CAMKMT: variants seen among roughly 807,000 people sequenced by gnomAD.
CAMKMT encodes calmodulin-lysine N-methyltransferase.
CAMKMT carries 53 observed loss-of-function variants against 48.0 expected under a neutral mutation model. The ratio of observed to expected loss-of-function variants is 1.10; its 90% CI spans 0.89 to 1.39. The LOEUF is 1.39. CAMKMT is among the 40% of genes most tolerant of loss of function. The probability of loss-of-function intolerance (pLI) is 0.00; values close to 1 mark genes in which losing one functional copy is unlikely to be tolerated. For missense variants in CAMKMT, 428 were observed against 402.7 expected, an observed-to-expected ratio of 1.06 and a Z score of -0.54; for synonymous variants, 165 against 152.3, an observed-to-expected ratio of 1.08 and a Z score of -0.61.
chr2:44,527,129 G>A (rs1456224189), intron 3 of CAMKMT, among the ~76,000 whole-genome samples: 1 of 132,108 alleles, frequency 7.6e-6, no homozygotes, highest in Non-Finnish European at 1.6e-5. Context: ...GTCTTGCTCT[G>A]TCACCCAAGC....
At chr2:44,651,498 A>G (rs1394175605) in intron 3 of CAMKMT, among the ~76,000 whole-genome samples, 2 of 152,236 alleles carry the variant, frequency 1.3e-5, no homozygotes, top group Non-Finnish European at 2.9e-5. Flanking sequence ...AGCCTGGCCA[A>G]CGTGGTGAAA....
intron 3 of CAMKMT, among the ~76,000 whole-genome samples, chr2:44,700,434 T>C (rs1156633455): frequency 3.9e-5 from 6 of 152,202 alleles, no homozygotes; most frequent in Non-Finnish European, 7.3e-5. Flanking sequence ...ACATGCCTTC[T>C]CCATAAGTGG....
At chr2:44,515,493 C>T (rs1040838857) in intron 3 of CAMKMT, among the ~76,000 whole-genome samples, 5 of 152,128 alleles carry the variant, frequency 3.3e-5, no homozygotes, top group Non-Finnish European at 5.9e-5. Flanking sequence ...GCAATTCATT[C>T]ACCTGTCAGT....
intron 3 of CAMKMT, among the ~76,000 whole-genome samples, chr2:44,587,179 CCT>C (rs1169577223): frequency 2.6e-5 from 4 of 151,978 alleles, no homozygotes; most frequent in Non-Finnish European, 5.9e-5. Flanking sequence ...GAATACAAGT[CCT>C]TTAGCAGATT....
intron 3 of CAMKMT, among the ~76,000 whole-genome samples, chr2:44,540,871 C>A (rs373732871): frequency 6.6e-6 from 1 of 152,288 alleles, no homozygotes; most frequent in East Asian, 1.9e-4. Flanking sequence ...GATCTGTGAT[C>A]CATTTGAAGT....
intron 3 of CAMKMT, among the ~76,000 whole-genome samples, chr2:44,539,357 A>G (rs899636741): frequency 1.3e-5 from 2 of 151,240 alleles, no homozygotes; most frequent in African/African-American, 2.4e-5. Flanking sequence ...TAATCTGTCT[A>G]TATTGTTTTT....
At chr2:44,382,159 C>T (rs1026883223) in intron 2 of CAMKMT, among the ~76,000 whole-genome samples, 1 of 152,068 alleles carries the variant, frequency 6.6e-6, no homozygotes, top group African/African-American at 2.4e-5. Flanking sequence ...CCAGGCTGAT[C>T]TTGAACTCCT....
intron 1 of CAMKMT, among the ~76,000 whole-genome samples, chr2:44,369,236 T>C (rs779882565): frequency 6.6e-6 from 1 of 152,088 alleles, no homozygotes; most frequent in Non-Finnish European, 1.5e-5. Context: ...AAGAAAACCT[T>C]CAAAGAGAGA....
At chr2:44,670,248 A>G (rs1675249592) in intron 3 of CAMKMT, among the ~76,000 whole-genome samples, 1 of 152,198 alleles carries the variant, frequency 6.6e-6, no homozygotes, top group African/African-American at 2.4e-5. Flanking sequence ...ATTTTCACTT[A>G]CACAAACTAT....
At chr2:44,588,612 C>A (rs1328991752) in intron 3 of CAMKMT, among the ~76,000 whole-genome samples, 1 of 43,260 alleles carries the variant, frequency 2.3e-5, no homozygotes, top group Non-Finnish European at 4.8e-5. Context: ...GGGGGTCAGC[C>A]CCCCGCCCGG....
chr2:44,577,835 A>C (rs1178056961), intron 3 of CAMKMT, among the ~76,000 whole-genome samples: 12 of 152,132 alleles, frequency 7.9e-5, no homozygotes. Context: ...ATATTTTCCA[A>C]AGTAACCCTT....
At chr2:44,756,022 A>G (rs1261765312) in intron 9 of CAMKMT, among the ~76,000 whole-genome samples, 2 of 152,244 alleles carry the variant, frequency 1.3e-5, no homozygotes, top group African/African-American at 2.4e-5. Flanking sequence ...TAAGGAGCCC[A>G]CCATCAGAGG....
Position 44,391,496 on chromosome 2 carries a change from C to T in CAMKMT, c.376+1191C>T, listed in dbSNP as rs114411984. 1.3e-3 allele frequency among the ~76,000 whole-genome samples: 191 copies of T among 152,146 alleles called. 1 individual carries two copies. Among genetic ancestry groups the T allele is most frequent in the African/African-American group, 4.4e-3 (183 of 41,508 alleles). On this transcript the variant is annotated intron_variant, in intron 3 of 10. Transcript: ENST00000378494. ...TATTTTTATTAGGTCTAGGCAAGGACTGGGCAAAGCATACCAATGATGGTT... is the reference window on the plus strand; with the variant it reads ...TATTTTTATTAGGTCTAGGCAAGGATTGGGCAAAGCATACCAATGATGGTT...
intron 10 of CAMKMT, among the ~76,000 whole-genome samples, chr2:44,768,612 G>T (rs1680964361): frequency 6.6e-6 from 1 of 152,080 alleles, no homozygotes; most frequent in Non-Finnish European, 1.5e-5. Flanking sequence ...ATGCCCTGCA[G>T]CAGGGCGCGA....
intron 3 of CAMKMT, among the ~76,000 whole-genome samples, chr2:44,435,962 A>G (rs1666219436): frequency 6.6e-6 from 1 of 152,164 alleles, no homozygotes. Flanking sequence ...GAAGTTCGTT[A>G]TGTTTATACC....
intron 3 of CAMKMT, among the ~76,000 whole-genome samples, chr2:44,660,132 C>T (rs572249958): frequency 5.3e-5 from 8 of 152,216 alleles, no homozygotes; most frequent in African/African-American, 1.9e-4. Flanking sequence ...TCCAAAACAA[C>T]AATAATGGGT....
chr2:44,715,170 G>A, intron 6 of CAMKMT, 117 bp from the exon 7 acceptor site: 1 of 621,806 alleles, frequency 1.6e-6, no homozygotes, highest in Non-Finnish European at 2.7e-6. Flanking sequence ...TCCAGCCTGG[G>A]CAACAGAGCG....
At chr2:44,685,735 C>T in intron 3 of CAMKMT, among the ~76,000 whole-genome samples, 1 of 152,090 alleles carries the variant, frequency 6.6e-6, no homozygotes, top group Non-Finnish European at 1.5e-5. Context: ...GTTATAAGGT[C>T]CATATCACAC....
chr2:44,716,331 C>T lies in CAMKMT; in HGVS notation c.623+978C>T, dbSNP rs926432021. Among the ~76,000 whole-genome samples the T allele has an allele frequency of 1.2e-4, 18 of 152,218 alleles. No individual in the cohort carries two copies. In the East Asian group the frequency reaches 1.4e-3, roughly 11 times the overall value. ...GACTGATTTCTCTTGGACACACCCA[C>T]GATACAGCCCCGGCAGCCAGTGATC... On this transcript the variant is annotated intron_variant, in intron 7 of 10. Transcript: ENST00000378494.
Sources: allele counts gnomAD v4.1 joint callset (sites outside exome capture counted in the v4.1 genomes callset), GRCh38; gene constraint gnomAD v4.1.1; transcripts MANE v1.5; gene names NCBI Gene and HGNC (gene_info 2026-07-23, HGNC 2026-07-21).